Variants in HS2ST1 observed in about 807,000 individuals in gnomAD.
HS2ST1 encodes heparan sulfate 2-O-sulfotransferase 1.
A neutral mutation model predicts 42.9 loss-of-function variants in HS2ST1; 18 were observed. The ratio of observed to expected loss-of-function variants is 0.42; its 90% CI spans 0.29 to 0.62. The LOEUF (loss-of-function observed/expected upper bound fraction) is 0.62, where lower values mean the gene tolerates loss of function less well. Among genes scored for constraint, HS2ST1 ranks in the 20% least tolerant of loss-of-function variants. The pLI, the probability that HS2ST1 is intolerant of heterozygous loss-of-function variation, is 0.21. For missense variants in HS2ST1, 334 were observed against 433.8 expected, an observed-to-expected ratio of 0.77 and a Z score of 2.04; for synonymous variants, 146 against 152.9, an observed-to-expected ratio of 0.95 and a Z score of 0.33.
At position 86,919,939 on chromosome 1, in the gene HS2ST1, C is replaced by T. The variant is rs1017247791; in HGVS notation, c.124+4779C>T. On this transcript the variant is annotated intron_variant, in intron 1 of 6. Transcript: ENST00000370550. ...AAAGGACAGGGAATCCAAATGAAAA[C>T]TATTTAACTGTGACTCGTTACTATA... Among the ~76,000 whole-genome samples the T allele has an allele frequency of 2.6e-5, 4 of 152,148 alleles. No homozygotes were observed. The South Asian group carries it at 8.3e-4, about 32-fold the overall frequency.
rs1252853968 is a variant in HS2ST1 at position 86,990,824 on chromosome 1, ATATATATATATATTTTT to A, written c.124+75666_124+75682del. ...TGCCTGGCTAATTTTATATATATAT[ATATATATATATATTTTT>A]TTTTTTTTTTTTTTTTTTAGTAGAG... On this transcript the variant is annotated intron_variant, in intron 1 of 6. Transcript: ENST00000370550. Among the ~76,000 whole-genome samples the A allele has an allele frequency of 4.2e-4, 7 of 16,748 alleles. No individual in the cohort carries two copies. The Admixed American group carries it at 8.3e-3, about 20-fold the overall frequency. The allele number at this position is 16,748 out of a possible 152,430, so 11.0% of individuals were successfully genotyped here. A position where few individuals can be genotyped will look rare whatever the true frequency, so the allele number is the denominator to read the frequency against.
intron 1 of HS2ST1, among the ~76,000 whole-genome samples, chr1:87,059,735 G>A (rs546410260): frequency 2.6e-5 from 4 of 152,118 alleles, no homozygotes; most frequent in African/African-American, 4.8e-5. Flanking sequence ...GGCTATGGGC[G>A]TCTGGTAAAA....
intron 5 of HS2ST1, among the ~76,000 whole-genome samples, chr1:87,100,543 G>A (rs1652173992): frequency 6.6e-6 from 1 of 152,192 alleles, no homozygotes; most frequent in South Asian, 2.1e-4. Context: ...TTGGATATTA[G>A]CAGTTGGCTC....
intron 1 of HS2ST1, among the ~76,000 whole-genome samples, chr1:86,986,997 G>A (rs1458495595): frequency 6.6e-6 from 1 of 150,984 alleles, no homozygotes; most frequent in Non-Finnish European, 1.5e-5. Context: ...GCCTGGGACT[G>A]CTTTTTTCCC....
intron 1 of HS2ST1, chr1:87,045,910 T>A: frequency 1.6e-5 from 11 of 699,572 alleles, no homozygotes; most frequent in South Asian, 1.5e-4. Context: ...GCTCACCGGC[T>A]TCTCCCACGT....
rs112167268 is a variant in HS2ST1 at position 86,950,914 on chromosome 1, C to T, written c.124+35754C>T. On this transcript the variant is annotated intron_variant, in intron 1 of 6. Coordinates refer to ENST00000370550, the MANE Select transcript of HS2ST1 (RefSeq NM_012262.4). Reference sequence around the variant, plus strand: ...TCCAGGAAAAGCCCCTCCCTCTTTCCGGCTACATGATTGCAATAGAATGGA... The same window carrying T: ...TCCAGGAAAAGCCCCTCCCTCTTTCTGGCTACATGATTGCAATAGAATGGA... Among the ~76,000 whole-genome samples the T allele has an allele frequency of 2.6e-3, 395 of 152,186 alleles. 3 individuals carry two copies. The highest frequency in any genetic ancestry group is 9.1e-3 in the African/African-American group (376 of 41,520).
In HS2ST1 at chr1:86,928,567, A is replaced by G. The variant is rs558055006; in HGVS notation, c.124+13407A>G. On this transcript the variant is annotated intron_variant, in intron 1 of 6. Transcript: ENST00000370550. Reference sequence around the variant, plus strand: ...ACACCCACCTCTTATTAACTGTTGGATGTTCCCAGAATGTTATACACCTCT... The same window carrying G: ...ACACCCACCTCTTATTAACTGTTGGGTGTTCCCAGAATGTTATACACCTCT... Among the ~76,000 whole-genome samples the G allele has an allele frequency of 9.7e-4, 148 of 152,068 alleles. 1 individual carries two copies. The highest frequency in any genetic ancestry group is 3.4e-3 in the African/African-American group (140 of 41,548).
intron 3 of HS2ST1, 33 bp from the exon 4 acceptor site, chr1:87,092,498 T>G (rs773362136): frequency 1.2e-5 from 18 of 1,502,654 alleles, no homozygotes; most frequent in Middle Eastern, 1.8e-4. Flanking sequence ...TTGAAAATGT[T>G]GATTTCACCT....
At chr1:87,055,590 G>GGC (rs773929480) in intron 1 of HS2ST1, among the ~76,000 whole-genome samples, 3 of 152,182 alleles carry the variant, frequency 2.0e-5, no homozygotes, top group Non-Finnish European at 4.4e-5. Flanking sequence ...TTAAAAAAAT[G>GGC]GCTCTTTATC....
At chr1:87,096,023 A>G (rs1652058982) in intron 4 of HS2ST1, among the ~76,000 whole-genome samples, 1 of 149,788 alleles carries the variant, frequency 6.7e-6, no homozygotes, top group African/African-American at 2.5e-5. Context: ...GAACCCTGAG[A>G]AGCTAGACAG....
chr1:87,009,049 G>A (rs1288296750), intron 1 of HS2ST1, among the ~76,000 whole-genome samples: 1 of 152,118 alleles, frequency 6.6e-6, no homozygotes, highest in Non-Finnish European at 1.5e-5. Context: ...TTACCATGTT[G>A]TCCAAGCTGG....
chr1:87,076,984 G>C (rs1178953581), intron 2 of HS2ST1, among the ~76,000 whole-genome samples: 2 of 152,172 alleles, frequency 1.3e-5, no homozygotes, highest in African/African-American at 4.8e-5. Flanking sequence ...ACTTTTCAGA[G>C]CAGCACTTTA....
chr1:86,948,879 A>G (rs1448264536), intron 1 of HS2ST1, among the ~76,000 whole-genome samples: 1 of 152,184 alleles, frequency 6.6e-6, no homozygotes, highest in Non-Finnish European at 1.5e-5. Context: ...TACAAGGGTG[A>G]TTTCATTATG....
At chr1:87,084,300 ACG>A in intron 3 of HS2ST1, 21 bp downstream of exon 3, 1 of 1,346,020 alleles carries the variant, frequency 7.4e-7, no homozygotes, top group Non-Finnish European at 1.1e-6. Context: ...CTGAAATGAC[ACG>A]CTAAAGAATG....
rs568676269 is a variant in HS2ST1, at chr1:86,992,114, A to C, written c.124+76954A>C. Among the ~76,000 whole-genome samples, 10 of 152,144 alleles carry C rather than the reference A, an allele frequency of 6.6e-5. No individual in the cohort carries two copies. The South Asian group carries it at 1.9e-3, about 28-fold the overall frequency. On this transcript the variant is annotated intron_variant, in intron 1 of 6. Coordinates refer to ENST00000370550, the MANE Select transcript of HS2ST1 (RefSeq NM_012262.4). ...TAAGGGATCTAGGTTCCACTCTTTA[A>C]GAAAATCTAATCTGAGGTAGAACAG...
At chr1:86,992,026 G>C (rs1003594437) in intron 1 of HS2ST1, among the ~76,000 whole-genome samples, 1 of 152,054 alleles carries the variant, frequency 6.6e-6, no homozygotes, top group Non-Finnish European at 1.5e-5. Flanking sequence ...TCTGCCTCCC[G>C]TCAGATCAGT....
At chr1:86,952,248 C>CT (rs894009642) in intron 1 of HS2ST1, among the ~76,000 whole-genome samples, 3 of 151,992 alleles carry the variant, frequency 2.0e-5, no homozygotes, top group Non-Finnish European at 2.9e-5. Context: ...ATAATAAATA[C>CT]TTTTTTTGAG....
intron 1 of HS2ST1, among the ~76,000 whole-genome samples, chr1:86,927,989 A>G (rs1463823239): frequency 6.6e-6 from 1 of 152,102 alleles, no homozygotes; most frequent in Admixed American, 6.5e-5. Context: ...TGTTACTATC[A>G]TGCTTTCAAA....
At chr1:87,066,195 A>T (rs1651245733) in intron 1 of HS2ST1, among the ~76,000 whole-genome samples, 1 of 152,224 alleles carries the variant, frequency 6.6e-6, no homozygotes, top group African/African-American at 2.4e-5. Context: ...GGTAAATATT[A>T]CTGTTACCTT....
Sources: allele counts gnomAD v4.1 joint callset (sites outside exome capture counted in the v4.1 genomes callset), GRCh38; gene constraint gnomAD v4.1.1; transcripts MANE v1.5; gene names NCBI Gene and HGNC (gene_info 2026-07-23, HGNC 2026-07-21).